The following DACH2 variants were observed in gnomAD, a reference collection of about 807,000 sequenced individuals.
DACH2 encodes dachshund family transcription factor 2.
In DACH2, 17 loss-of-function variants were observed where a neutral mutation model predicts 35.8. That is an observed-to-expected ratio of 0.48 (90% confidence interval 0.33 to 0.71). The LOEUF (loss-of-function observed/expected upper bound fraction) is 0.71, where lower values mean the gene tolerates loss of function less well. Among genes scored for constraint, DACH2 ranks in the 30% least tolerant of loss-of-function variants. The probability of loss-of-function intolerance (pLI) is 0.02; values close to 1 mark genes in which losing one functional copy is unlikely to be tolerated. For missense variants in DACH2, 469 were observed against 472.7 expected (o/e 0.99, Z 0.07); for synonymous variants, 195 against 177.3 (o/e 1.10, Z -0.79).
At chrX:86,588,395 CA>C (rs1288553366) in intron 3 of DACH2, among the ~76,000 whole-genome samples, 1 of 111,442 alleles carries the variant, frequency 9.0e-6, no homozygotes, top group Admixed American at 9.6e-5. Context: ...TCTAATTCTG[CA>C]AAAAGTGACA....
chrX:86,562,998 A>T (rs2039244307), intron 3 of DACH2, among the ~76,000 whole-genome samples: 1 of 111,608 alleles, frequency 9.0e-6, no homozygotes. Flanking sequence ...ATAACTTGAA[A>T]GTAATATACA....
intron 2 of DACH2, among the ~76,000 whole-genome samples, chrX:86,454,867 A>T (rs1475584356): frequency 1.8e-5 from 2 of 110,840 alleles, no homozygotes; most frequent in Non-Finnish European, 3.8e-5. Flanking sequence ...GTTTTTTTGA[A>T]TTTTCAGCAT....
chrX:86,489,167 A>G (rs910983142), intron 2 of DACH2, among the ~76,000 whole-genome samples: 5 of 111,147 alleles, frequency 4.5e-5, no homozygotes, highest in Admixed American at 1.9e-4. Flanking sequence ...TTTATATCTT[A>G]ATTTCCAAAG....
chrX:86,667,887 A>G (rs2040718355), intron 4 of DACH2, among the ~76,000 whole-genome samples: 1 of 112,199 alleles, frequency 8.9e-6, no homozygotes, highest in Non-Finnish European at 1.9e-5. Context: ...TTCCATAAGA[A>G]AATTGTAAGT....
chrX:86,372,093 C>T (rs908565785), intron 1 of DACH2, among the ~76,000 whole-genome samples: 54 of 110,833 alleles, frequency 4.9e-4, no homozygotes, highest in African/African-American at 1.5e-3. Context: ...TCGATCTTTT[C>T]GAATTTTAAA....
intron 1 of DACH2, among the ~76,000 whole-genome samples, chrX:86,362,124 A>T (rs188791168): frequency 2.7e-5 from 3 of 111,445 alleles, no homozygotes; most frequent in African/African-American, 9.7e-5. Context: ...GTATTTACTC[A>T]ATGTTTAGCA....
chrX:86,292,502 C>A (rs981991246), intron 1 of DACH2, among the ~76,000 whole-genome samples: 1 of 110,562 alleles, frequency 9.0e-6, no homozygotes, highest in Non-Finnish European at 1.9e-5. Flanking sequence ...TTTCTATTTC[C>A]TTTAATTGTG....
intron 4 of DACH2, among the ~76,000 whole-genome samples, chrX:86,660,943 G>A (rs2040598913): frequency 9.0e-6 from 1 of 110,826 alleles, no homozygotes; most frequent in Non-Finnish European, 1.9e-5. Flanking sequence ...TAGTGTAAGG[G>A]ACTCAGAAAT....
intron 2 of DACH2, among the ~76,000 whole-genome samples, chrX:86,389,827 T>C (rs1270613194): frequency 8.9e-6 from 1 of 112,473 alleles, no homozygotes; most frequent in African/African-American, 3.2e-5. Flanking sequence ...AATTACTCGA[T>C]AACGAGCTTA....
chrX:86,502,085 C>T (rs1369075903), intron 2 of DACH2, among the ~76,000 whole-genome samples: 1 of 99,780 alleles, frequency 1.0e-5, no homozygotes. Flanking sequence ...GAACCAAGAA[C>T]TATGTTAGAC....
chrX:86,428,729 T>A (rs2036934395), intron 2 of DACH2, among the ~76,000 whole-genome samples: 1 of 110,769 alleles, frequency 9.0e-6, no homozygotes, highest in Admixed American at 9.8e-5. Context: ...CATATGTTAT[T>A]TAAATTCCCA....
At chrX:86,296,452 G>A (rs186716580) in intron 1 of DACH2, among the ~76,000 whole-genome samples, 1 of 104,923 alleles carries the variant, frequency 9.5e-6, no homozygotes, top group East Asian at 3.1e-4. Context: ...GATATAATTT[G>A]TGACAAATAC....
At chrX:86,469,323 T>G (rs912437691) in intron 2 of DACH2, among the ~76,000 whole-genome samples, 2 of 111,201 alleles carry the variant, frequency 1.8e-5, no homozygotes, top group Non-Finnish European at 3.8e-5. Flanking sequence ...ATTGTAGATA[T>G]GAAAATTTCT....
chrX:86,315,933 G>A (rs2034896340), intron 1 of DACH2, among the ~76,000 whole-genome samples: 1 of 110,033 alleles, frequency 9.1e-6, no homozygotes, highest in Admixed American at 9.7e-5. Context: ...GGGTTACCAA[G>A]TTGTAGTAAA....
At chrX:86,191,900 C>T (rs1350845824) in intron 1 of DACH2, among the ~76,000 whole-genome samples, 1 of 111,733 alleles carries the variant, frequency 8.9e-6, no homozygotes, top group East Asian at 2.8e-4. Context: ...GAGATTGCGC[C>T]ACTGCACTCC....
rs985422719 is a variant in DACH2 at position 86,453,396 on chromosome X, T to G, written c.528-60883T>G. Among the ~76,000 whole-genome samples the G allele has an allele frequency of 9.8e-5, 11 of 111,983 alleles. No homozygotes were observed. The Admixed American group carries it at 1.0e-3, about 11-fold the overall frequency. ...AATTTTCTGTCTCATTGGTCTATCT[T>G]ATATTGTCAGTGAGGTTTTAACTTC... is the stretch of plus-strand genomic sequence containing the variant. On this transcript the variant is annotated intron_variant, in intron 2 of 11. Transcript: ENST00000373125.
intron 7 of DACH2, among the ~76,000 whole-genome samples, chrX:86,781,398 G>A (rs1319204810): frequency 9.0e-6 from 1 of 111,562 alleles, no homozygotes. Context: ...AAAGTATTAT[G>A]TATAGAGTCA....
At chrX:86,596,791 G>T (rs2039718307) in intron 3 of DACH2, among the ~76,000 whole-genome samples, 1 of 110,283 alleles carries the variant, frequency 9.1e-6, no homozygotes, top group Non-Finnish European at 1.9e-5. Flanking sequence ...AGAAACTATT[G>T]CCACATCCAA....
rs763323902 is a variant in DACH2, at chrX:86,270,024, T to A, written c.489-106800T>A. ...ATGTTTTAATTATATATATATATAT[T>A]ATATATATATATATATTTTTTTTTT... On this transcript the variant is annotated intron_variant, in intron 1 of 11. Coordinates refer to ENST00000373125, the MANE Select transcript of DACH2 (RefSeq NM_053281.3). 1.7e-4 allele frequency among the ~76,000 whole-genome samples: 16 copies of A among 94,572 alleles called. No homozygotes were observed. In the East Asian group the frequency reaches 4.4e-3, roughly 26 times the overall value. 82.1% of individuals were successfully genotyped at this position (94,572 alleles called of 115,157 possible).
Sources: gnomAD v4.1 joint callset for allele counts (sites outside exome capture counted in the v4.1 genomes callset) on GRCh38, gnomAD v4.1.1 for gene constraint, MANE v1.5 for transcripts, NCBI Gene and HGNC (gene_info 2026-07-23, HGNC 2026-07-21) for gene names.